The following RSRC1 variants were observed in gnomAD, a reference collection of about 807,000 sequenced individuals.
RSRC1 encodes the protein serine/Arginine-related protein 53.
In RSRC1, 39 loss-of-function variants were observed where a neutral mutation model predicts 49.1. The ratio of observed to expected loss-of-function variants is 0.79; its 90% confidence interval spans 0.61 to 1.04. The LOEUF (loss-of-function observed/expected upper bound fraction) is 1.04, where lower values mean the gene tolerates loss of function less well. RSRC1 is among the 50% of genes least tolerant of loss of function. The pLI, the probability that RSRC1 is intolerant of heterozygous loss-of-function variation, is 0.00. For missense variants in RSRC1, 388 were observed against 402.4 expected (o/e 0.96, Z 0.31); for synonymous variants, 143 against 130.8 (o/e 1.09, Z -0.63).
At chr3:158,356,446 T>C (rs1247583774) in intron 6 of RSRC1, among the ~76,000 whole-genome samples, 1 of 152,100 alleles carries the variant, frequency 6.6e-6, no homozygotes, top group Non-Finnish European at 1.5e-5. Context: ...TAGAAGTAAC[T>C]TACCATGTAG....
At position 158,543,315 on chromosome 3, in the gene RSRC1, A is replaced by G; in HGVS notation, c.760-20A>G. The G allele has an allele frequency of 6.6e-7, 1 of 1,508,040 alleles. No homozygotes were observed. The highest frequency in any genetic ancestry group is 8.8e-7 in the Non-Finnish European group (1 of 1,133,428). 93.4% of individuals were successfully genotyped at this position (1,508,040 alleles called of 1,614,324 possible). On this transcript the variant is annotated intron_variant, in intron 8 of 9. Coordinates refer to ENST00000611884, the MANE Select transcript of RSRC1 (RefSeq NM_001271838.2). ...CTAATTGTGTATTGTGTTGAAATTA[A>G]TATGTGTTGTTTCTTTCAGTCAGTG...
At chr3:158,258,185 C>G (rs1263213373) in intron 4 of RSRC1, among the ~76,000 whole-genome samples, 1 of 119,216 alleles carries the variant, frequency 8.4e-6, no homozygotes, top group African/African-American at 3.0e-5. Context: ...CCTTTTCTTT[C>G]AAATTGAAGA....
chr3:158,443,283 T>C (rs866281805), intron 6 of RSRC1, among the ~76,000 whole-genome samples: 1 of 152,286 alleles, frequency 6.6e-6, no homozygotes, highest in Middle Eastern at 3.4e-3. Context: ...TCTTCTTTCC[T>C]AGAAAGCGGT....
chr3:158,498,232 C>CTT (rs56014045), intron 7 of RSRC1, among the ~76,000 whole-genome samples: 59 of 142,770 alleles, frequency 4.1e-4, no homozygotes, highest in East Asian at 6.1e-4. Flanking sequence ...ATGCCAACAT[C>CTT]TTTTTTTTTT....
intron 5 of RSRC1, among the ~76,000 whole-genome samples, chr3:158,304,387 C>T (rs1322891274): frequency 6.6e-6 from 1 of 152,052 alleles, no homozygotes; most frequent in East Asian, 1.9e-4. Context: ...CAAGCATAAA[C>T]ACAGTTAATG....
chr3:158,281,871 G>A (rs901710424), intron 4 of RSRC1, among the ~76,000 whole-genome samples: 4 of 152,118 alleles, frequency 2.6e-5, no homozygotes, highest in Non-Finnish European at 4.4e-5. Context: ...TCAAAAAGTC[G>A]AACTGAAAGG....
At chr3:158,298,211 T>G in intron 5 of RSRC1, 136 bp downstream of exon 5, 1 of 618,526 alleles carries the variant, frequency 1.6e-6, no homozygotes, top group East Asian at 2.9e-5. Context: ...ACTGTTATTA[T>G]GTGAAGGCAC....
intron 5 of RSRC1, among the ~76,000 whole-genome samples, chr3:158,319,378 T>C (rs1364131645): frequency 6.6e-6 from 1 of 152,130 alleles, no homozygotes; most frequent in Non-Finnish European, 1.5e-5. Flanking sequence ...TCCTGAGGCC[T>C]CCCCAGCCAT....
At chr3:158,487,229 A>T (rs1472399126) in intron 7 of RSRC1, among the ~76,000 whole-genome samples, 2 of 152,222 alleles carry the variant, frequency 1.3e-5, no homozygotes, top group Admixed American at 6.5e-5. Context: ...ATGAATATGT[A>T]GTCATGTACC....
intron 4 of RSRC1, among the ~76,000 whole-genome samples, chr3:158,283,283 G>A (rs1042570792): frequency 6.6e-6 from 1 of 151,856 alleles, no homozygotes; most frequent in African/African-American, 2.4e-5. Context: ...AAGCTGCTGT[G>A]AGGATTTTTT....
At chr3:158,531,434 C>A (rs1005794872) in intron 7 of RSRC1, among the ~76,000 whole-genome samples, 1 of 151,892 alleles carries the variant, frequency 6.6e-6, no homozygotes. Flanking sequence ...TTAACAAATT[C>A]TTCTTCATTG....
intron 7 of RSRC1, among the ~76,000 whole-genome samples, chr3:158,467,958 G>T (rs1235543304): frequency 6.6e-6 from 1 of 152,154 alleles, no homozygotes; most frequent in Non-Finnish European, 1.5e-5. Flanking sequence ...TTTTGAGACG[G>T]AGTCTCGCTC....
In RSRC1 at chr3:158,306,087, T is replaced by G. The variant is rs528661661; in HGVS notation, c.531+8012T>G. 2.0e-5 allele frequency among the ~76,000 whole-genome samples: 3 copies of G among 152,100 alleles called. No homozygotes were observed. In the South Asian group the frequency reaches 6.2e-4, roughly 32 times the overall value. On this transcript the variant is annotated intron_variant, in intron 5 of 9. Coordinates refer to ENST00000611884, the MANE Select transcript of RSRC1 (RefSeq NM_001271838.2). ...TTATCTTTTTATATCCTTACCCTTTTAAAAACTTCGTTATATGCTTTTAAA... is the reference window on the plus strand; with the variant it reads ...TTATCTTTTTATATCCTTACCCTTTGAAAAACTTCGTTATATGCTTTTAAA...
intron 3 of RSRC1, among the ~76,000 whole-genome samples, chr3:158,175,524 T>C (rs762559745): frequency 2.6e-5 from 4 of 152,152 alleles, no homozygotes; most frequent in Non-Finnish European, 5.9e-5. Flanking sequence ...TTACTACTTA[T>C]TGAAAAGACC....
At chr3:158,466,974 A>C (rs1737919818) in intron 7 of RSRC1, among the ~76,000 whole-genome samples, 1 of 152,124 alleles carries the variant, frequency 6.6e-6, no homozygotes, top group Non-Finnish European at 1.5e-5. Flanking sequence ...CAGGAGGATC[A>C]CTTGAGCCCA....
chr3:158,146,159 C>T (rs183319496), intron 3 of RSRC1, among the ~76,000 whole-genome samples: 1 of 152,262 alleles, frequency 6.6e-6, no homozygotes, highest in East Asian at 1.9e-4. Flanking sequence ...GAACTTCCAA[C>T]ACTATGTTGA....
At chr3:158,441,410 G>C (rs909177478) in intron 6 of RSRC1, among the ~76,000 whole-genome samples, 3 of 151,492 alleles carry the variant, frequency 2.0e-5, no homozygotes, top group African/African-American at 7.3e-5. Flanking sequence ...ATTAACAAAA[G>C]AAAGAACCAA....
intron 7 of RSRC1, among the ~76,000 whole-genome samples, chr3:158,528,377 A>G (rs1421529009): frequency 1.3e-5 from 2 of 152,072 alleles, no homozygotes; most frequent in East Asian, 1.9e-4. Context: ...ATTTCTATCA[A>G]TTAGCGGGGA....
chr3:158,280,505 C>T (rs548040328), intron 4 of RSRC1, among the ~76,000 whole-genome samples: 1 of 151,996 alleles, frequency 6.6e-6, no homozygotes, highest in South Asian at 2.1e-4. Context: ...CAGAATCTGG[C>T]CCAGAGATAG....
Sources: gnomAD v4.1 joint callset for allele counts (sites outside exome capture counted in the v4.1 genomes callset) on GRCh38, gnomAD v4.1.1 for gene constraint, MANE v1.5 for transcripts, NCBI Gene and HGNC (gene_info 2026-07-23, HGNC 2026-07-21) for gene names.